RHEB: variants seen among roughly 807,000 people sequenced by gnomAD.
The protein encoded by RHEB is GTP-binding protein Rheb.
RHEB carries 2 observed loss-of-function variants against 28.8 expected under a neutral mutation model. That is an observed-to-expected ratio of 0.07 (90% CI 0.03 to 0.22). The LOEUF (loss-of-function observed/expected upper bound fraction) is 0.22. Ranked by LOEUF, RHEB falls within the 10% of genes least tolerant of loss-of-function variation. The probability of loss-of-function intolerance (pLI) is 1.00; values close to 1 mark genes in which losing one functional copy is unlikely to be tolerated. For missense variants in RHEB, 76 were observed against 219.9 expected (o/e 0.35, Z 4.14); for synonymous variants, 69 against 77.3 (o/e 0.89, Z 0.56).
chr7:151,499,371 A>G (rs1424934849), intron 1 of RHEB, among the ~76,000 whole-genome samples: 3 of 152,198 alleles, frequency 2.0e-5, no homozygotes, highest in Non-Finnish European at 4.4e-5. Flanking sequence ...ACGAAAAGAA[A>G]GGACAGGAAA....
chr7:151,498,123 C>G (rs914525057), intron 1 of RHEB: 1 of 1,289,598 alleles, frequency 7.8e-7, no homozygotes, highest in Non-Finnish European at 1.0e-6. Context: ...TGCACCTGTG[C>G]GCCCTGCAGA....
intron 1 of RHEB, among the ~76,000 whole-genome samples, chr7:151,494,147 G>C (rs1289143962): frequency 6.6e-6 from 1 of 152,120 alleles, no homozygotes; most frequent in Non-Finnish European, 1.5e-5. Flanking sequence ...AAAGAAAAAA[G>C]GAAATAATAT....
intron 1 of RHEB, among the ~76,000 whole-genome samples, chr7:151,492,987 G>A (rs373119159): frequency 2.0e-4 from 30 of 151,884 alleles, no homozygotes; most frequent in East Asian, 1.2e-3. Context: ...TTACAGGCAC[G>A]CGCCACCACA....
At chr7:151,509,238 C>A (rs1802942700) in intron 1 of RHEB, among the ~76,000 whole-genome samples, 2 of 152,122 alleles carry the variant, frequency 1.3e-5, no homozygotes, top group Admixed American at 6.5e-5. Context: ...CCTTGGGTGA[C>A]ACAAGGACCC....
intron 3 of RHEB, among the ~76,000 whole-genome samples, chr7:151,480,873 A>T (rs1270415690): frequency 6.6e-6 from 1 of 152,142 alleles, no homozygotes; most frequent in Admixed American, 6.5e-5. Context: ...TAGTAGAGAC[A>T]GAGTTTCACC....
intron 1 of RHEB, among the ~76,000 whole-genome samples, chr7:151,513,635 C>T (rs138600461): frequency 9.2e-5 from 14 of 152,182 alleles, no homozygotes; most frequent in Non-Finnish European, 1.8e-4. Context: ...AGCAGACCTG[C>T]GGAGTTGGGC....
intron 3 of RHEB, among the ~76,000 whole-genome samples, chr7:151,482,964 A>G (rs765800828): frequency 5.9e-5 from 9 of 152,166 alleles, no homozygotes; most frequent in Non-Finnish European, 1.2e-4. Context: ...CCCAACTCCT[A>G]TTCTTCTGTC....
intron 2 of RHEB, among the ~76,000 whole-genome samples, chr7:151,487,919 G>T (rs1174344623): frequency 2.0e-5 from 3 of 152,164 alleles, no homozygotes; most frequent in African/African-American, 7.2e-5. Flanking sequence ...TGTTCACAAA[G>T]CAAGATTTGT....
intron 1 of RHEB, among the ~76,000 whole-genome samples, chr7:151,501,600 T>C (rs1301174617): frequency 2.6e-5 from 4 of 152,224 alleles, no homozygotes; most frequent in Non-Finnish European, 5.9e-5. Context: ...TAAGTATTTA[T>C]GGAAGACAAA....
At chr7:151,501,338 C>A (rs886385423) in intron 1 of RHEB, among the ~76,000 whole-genome samples, 3 of 152,186 alleles carry the variant, frequency 2.0e-5, no homozygotes, top group African/African-American at 7.2e-5. Context: ...TGGCAAAGCA[C>A]ATTAAAGATG....
At chr7:151,503,015 A>G in intron 1 of RHEB, 1 of 783,360 alleles carries the variant, frequency 1.3e-6, no homozygotes, top group South Asian at 1.3e-5. Flanking sequence ...AAAGAAATCA[A>G]TAGAACGATA....
In RHEB at chr7:151,514,089, C is replaced by T. The variant is rs139459424; in HGVS notation, c.52+5371G>A. Among the ~76,000 whole-genome samples, 1,069 of 152,218 alleles carry T rather than the reference C, an allele frequency of 7.0e-3. 12 individuals are homozygous for T. Among genetic ancestry groups the T allele is most frequent in the Middle Eastern group, 0.034 (10 of 294 alleles). On this transcript the variant is annotated intron_variant, in intron 1 of 7. Transcript: ENST00000262187. The stretch of plus-strand genomic sequence containing the variant: ...TGGAATGAGTGAGTTCTTCTATTGA[C>T]GGTCACTTCATCTCGGACAAGGGAA...
At chr7:151,516,079 G>A (rs949250701) in intron 1 of RHEB, among the ~76,000 whole-genome samples, 2 of 152,128 alleles carry the variant, frequency 1.3e-5, no homozygotes, top group Non-Finnish European at 2.9e-5. Context: ...GGACTACTCC[G>A]TTGTGGTAGA....
intron 4 of RHEB, 55 bp from the exon 5 acceptor site, chr7:151,471,660 T>C (rs1802163958): frequency 4.4e-6 from 5 of 1,138,048 alleles, no homozygotes; most frequent in Non-Finnish European, 6.5e-6. Flanking sequence ...AGTTTTTAAA[T>C]GTATGTTATG....
At chr7:151,479,239 G>A (rs1025603007) in intron 3 of RHEB, among the ~76,000 whole-genome samples, 3 of 152,098 alleles carry the variant, frequency 2.0e-5, no homozygotes, top group African/African-American at 7.2e-5. Flanking sequence ...TGAGTGTAGG[G>A]ACAAGCCCAG....
Position 151,472,362 on chromosome 7 carries a change from G to A in RHEB, c.276-757C>T, listed in dbSNP as rs979827419. 3.9e-5 allele frequency among the ~76,000 whole-genome samples: 6 copies of A among 152,154 alleles called. No individual in the cohort carries two copies. The highest frequency in any genetic ancestry group is 1.4e-4 in the African/African-American group (6 of 41,426). On this transcript the variant is annotated intron_variant, in intron 4 of 7. Transcript: ENST00000262187. This position sits in a 1 kb window ranked among gnomAD's most constrained non-coding sequence, Gnocchi z 5.2. ...AACCCTTCCCCGCCACCCCTGCTCA[G>A]CACAGCAACCAGAGGACTCTGCTGC...
At chr7:151,518,020 C>T (rs1427241788) in intron 1 of RHEB, 1 of 151,756 alleles carries the variant, frequency 6.6e-6, no homozygotes, top group Non-Finnish European at 1.5e-5. Context: ...AGGCTGGATC[C>T]CAGGTTCCAT....
chr7:151,491,984 A>G (rs929695269), intron 1 of RHEB, among the ~76,000 whole-genome samples: 7 of 152,212 alleles, frequency 4.6e-5, no homozygotes, highest in African/African-American at 1.7e-4. Context: ...AACAGGGTAC[A>G]TGCCCTGTGA....
intron 1 of RHEB, among the ~76,000 whole-genome samples, chr7:151,517,370 G>GA (rs761761069): frequency 0.055 from 3,382 of 61,570 alleles, 69 homozygotes; most frequent in African/African-American, 0.061. Flanking sequence ...CTCCGTCTCG[G>GA]AAAAAAAAAA....
Sources: allele counts gnomAD v4.1 joint callset (sites outside exome capture counted in the v4.1 genomes callset), GRCh38; gene constraint gnomAD v4.1.1; non-coding constraint Gnocchi (gnomAD v3.1); transcripts MANE v1.5; gene names NCBI Gene and HGNC (gene_info 2026-07-23, HGNC 2026-07-21).